Variants in PTCD3 observed in about 807,000 individuals in gnomAD.
PTCD3 encodes the protein small ribosomal subunit protein mS39.
In PTCD3, 89 loss-of-function variants were observed where a neutral mutation model predicts 101.9. The observed-to-expected ratio is 0.87, with a 90% CI of 0.74 to 1.04. The LOEUF (loss-of-function observed/expected upper bound fraction) is 1.04. PTCD3 is among the 50% of genes least tolerant of loss of function. PTCD3 has a pLI of 0.00. For synonymous variants in PTCD3, 296 were observed against 278.5 expected (o/e 1.06, Z -0.63); for missense variants, 870 against 828.2 (o/e 1.05, Z -0.62).
chr2:86,121,103 T>G (rs1272680047), intron 7 of PTCD3, among the ~76,000 whole-genome samples: 1 of 152,242 alleles, frequency 6.6e-6, no homozygotes, highest in Admixed American at 6.5e-5. Flanking sequence ...GGAATAATTC[T>G]ACTTGCATTT....
chr2:86,129,815 A>G (rs1674463556), intron 14 of PTCD3, among the ~76,000 whole-genome samples: 2 of 152,210 alleles, frequency 1.3e-5, no homozygotes, highest in African/African-American at 2.4e-5. Flanking sequence ...CAGCTTTACT[A>G]CCACAAACAT....
intron 11 of PTCD3, 33 bp from the exon 12 acceptor site, chr2:86,125,762 A>C: frequency 6.6e-7 from 1 of 1,509,336 alleles, no homozygotes; most frequent in South Asian, 1.2e-5. Flanking sequence ...ATTAATCTTC[A>C]ACCCCAAATT....
In PTCD3 at chr2:86,114,741, T is replaced by TA. The variant is rs1451585581; in HGVS notation, c.241-1788dup. Among the ~76,000 whole-genome samples the TA allele has an allele frequency of 2.6e-5, 4 of 152,324 alleles. No homozygotes were observed. In the East Asian group the frequency reaches 7.7e-4, roughly 29 times the overall value. ...AGCCTTTGTTTATCCCTTCAAAAGA[T>TA]ACGTGTGTGTGAGGTCTCCGTGACC... On this transcript the variant is annotated intron_variant, in intron 4 of 23. Transcript: ENST00000254630.
intron 4 of PTCD3, among the ~76,000 whole-genome samples, chr2:86,112,704 A>AAAT (rs1674112384): frequency 7.0e-6 from 1 of 142,830 alleles, no homozygotes; most frequent in Non-Finnish European, 1.6e-5. Flanking sequence ...AAAAAAAAAA[A>AAAT]TTTAAAATAA....
chr2:86,126,097 G>T (rs1383282355), intron 12 of PTCD3, among the ~76,000 whole-genome samples: 1 of 152,046 alleles, frequency 6.6e-6, no homozygotes, highest in Non-Finnish European at 1.5e-5. Flanking sequence ...GGGCGTGGTG[G>T]TGCACGCCTG....
rs918287811 is a variant in PTCD3 at position 86,140,928 on chromosome 2, A to G, written c.*3369A>G. ...TCAAAAAAAAAAAAAAAAAACCAAA[A>G]AAACTGTCCAGCTGTGGACTTTCAG... On this transcript the variant is annotated 3_prime_UTR_variant, in exon 24 of 24. Coordinates refer to ENST00000254630, the MANE Select transcript of PTCD3 (RefSeq NM_017952.6). 6.7e-6 allele frequency: 1 copy of G among 148,162 alleles called. No individual in the cohort carries two copies. Among genetic ancestry groups the G allele is most frequent in the Admixed American group, 6.7e-5 (1 of 14,966 alleles). The allele number at this position is 148,162 out of a possible 1,614,324, so 9.2% of individuals were successfully genotyped here.
At chr2:86,128,143 G>A in intron 14 of PTCD3, 152 bp downstream of exon 14, 1 of 684,272 alleles carries the variant, frequency 1.5e-6, no homozygotes, top group Non-Finnish European at 2.4e-6. Context: ...AGAAAGTTGT[G>A]GTTTTTTTAG....
chr2:86,134,440 C>T (rs1269082002), intron 20 of PTCD3, 63 bp downstream of exon 20: 2 of 1,368,556 alleles, frequency 1.5e-6, no homozygotes, highest in South Asian at 1.2e-5. Flanking sequence ...AGGCTAGCTT[C>T]CCTGGTTTTA....
intron 19 of PTCD3, 101 bp from the exon 20 acceptor site, chr2:86,134,187 ATAAC>A: frequency 6.2e-6 from 5 of 802,212 alleles, no homozygotes; most frequent in Non-Finnish European, 1.0e-5. Flanking sequence ...CCTAGAATAA[ATAAC>A]AGCAACTTAT....
In PTCD3 at chr2:86,128,138, GT is replaced by G; in HGVS notation, c.1147+149del. 4.2e-6 allele frequency: 3 copies of G among 719,568 alleles called. No homozygotes were observed. The South Asian group carries it at 5.6e-5, about 13-fold the overall frequency. The allele number at this position is 719,568 out of a possible 1,614,324, so 44.6% of individuals were successfully genotyped here. ...TTAACCTGTACAGCCTGAGCAGAAA[GT>G]TGTGGTTTTTTTAGATACAGGATCT... On this transcript the variant is annotated intron_variant, in intron 14 of 23. Coordinates refer to ENST00000254630, the MANE Select transcript of PTCD3 (RefSeq NM_017952.6).
chr2:86,134,231 G>T, intron 19 of PTCD3, 61 bp from the exon 20 acceptor site: 1 of 1,298,202 alleles, frequency 7.7e-7, no homozygotes, highest in Non-Finnish European at 1.1e-6. Flanking sequence ...GGTTGACAGT[G>T]AACAAAAGTG....
intron 14 of PTCD3, among the ~76,000 whole-genome samples, chr2:86,128,784 TTA>T (rs1318271724): frequency 6.6e-6 from 1 of 152,204 alleles, no homozygotes; most frequent in Non-Finnish European, 1.5e-5. Context: ...TACCATTTAT[TTA>T]CCAGCTATGT....
In PTCD3 at chr2:86,106,328, G is replaced by T; in HGVS notation, c.81G>T (p.Leu27Phe). The T allele has an allele frequency of 6.2e-7, 1 of 1,614,046 alleles. No homozygotes were observed. Among genetic ancestry groups the T allele is most frequent in the South Asian group, 1.1e-5 (1 of 91,044 alleles). ...GQPLTGRRAG[L>F]CEQARSCRFY... ...CGCTGACGGGTCGGCGGGCGGGTTT[G>T]TGTGAACAGGCACGCAGCTGCAGGT... is the stretch of plus-strand genomic sequence containing the variant. The change falls in exon 1 of 24, where the codon TTG becomes TTT. Residue 27 changes from leucine (L) to phenylalanine (F), a missense_variant. Transcript: ENST00000254630.
At chr2:86,133,034 A>G in intron 17 of PTCD3, 144 bp from the exon 18 acceptor site, 1 of 1,371,498 alleles carries the variant, frequency 7.3e-7, no homozygotes, top group Non-Finnish European at 9.7e-7. Context: ...CAGCTCTTAA[A>G]CCAAATATTG....
intron 17 of PTCD3, 54 bp downstream of exon 17, chr2:86,132,478 G>A (rs1674511069): frequency 7.7e-7 from 1 of 1,305,108 alleles, no homozygotes; most frequent in African/African-American, 1.5e-5. Flanking sequence ...TCTGCAAGTG[G>A]GAGGCTGTTG....
chr2:86,128,672 A>G (rs1017164540), intron 14 of PTCD3, among the ~76,000 whole-genome samples: 22 of 152,270 alleles, frequency 1.4e-4, no homozygotes, highest in Middle Eastern at 3.4e-3. Context: ...GAGGACCTCA[A>G]GGCTCCATGC....
intron 7 of PTCD3, 166 bp downstream of exon 7, chr2:86,119,210 GTGTTAC>G (rs1674236866): frequency 1.1e-6 from 1 of 915,368 alleles, no homozygotes; most frequent in Admixed American, 3.3e-5. Context: ...TTTAGCTTTA[GTGTTAC>G]TTAAGAATTA....
intron 14 of PTCD3, among the ~76,000 whole-genome samples, chr2:86,129,501 G>A (rs1279629236): frequency 6.6e-6 from 1 of 152,088 alleles, no homozygotes; most frequent in Non-Finnish European, 1.5e-5. Context: ...AAGTAGCTGG[G>A]CATGGTGGCG....
At chr2:86,119,111 C>G in intron 7 of PTCD3, 67 bp downstream of exon 7, 1 of 1,568,102 alleles carries the variant, frequency 6.4e-7, no homozygotes, top group Non-Finnish European at 8.7e-7. Context: ...TTATATGATT[C>G]ATATATTTTG....
Sources: gnomAD v4.1 joint callset for allele counts (sites outside exome capture counted in the v4.1 genomes callset) on GRCh38, gnomAD v4.1.1 for gene constraint, MANE v1.5 for transcripts, NCBI Gene and HGNC (gene_info 2026-07-23, HGNC 2026-07-21) for gene names.